Variants in MORN1 observed in about 807,000 individuals in gnomAD.
The protein encoded by MORN1 is MORN repeat containing 1, also known as MORN repeat-containing protein 1.
MORN1 carries 67 observed loss-of-function variants against 61.9 expected under a neutral mutation model. The observed-to-expected ratio is 1.08, with a 90% CI of 0.89 to 1.33. The LOEUF is 1.33. Ranked by LOEUF, MORN1 falls within the 40% of genes most tolerant of loss-of-function variation. The pLI is 0.00. For synonymous variants in MORN1, 301 were observed against 292.0 expected (o/e 1.03, Z -0.31); for missense variants, 752 against 691.2 (o/e 1.09, Z -0.99).
At chr1:2,367,306 C>CAAAAAAAAAAAAAA (rs56188781) in intron 8 of MORN1, among the ~76,000 whole-genome samples, 1 of 132,812 alleles carries the variant, frequency 7.5e-6, no homozygotes. Flanking sequence ...ATTGCTCTAT[C>CAAAAAAAAAAAAAA]AAAAAAAAAA....
chr1:2,376,286 T>A (rs1557888769), intron 6 of MORN1: 1 of 152,308 alleles, frequency 6.6e-6, no homozygotes, highest in Non-Finnish European at 1.5e-5. Flanking sequence ...GTCCTCACTG[T>A]CTCTCATCTC....
At chr1:2,331,750 C>T (rs1022178425) in intron 12 of MORN1, among the ~76,000 whole-genome samples, 12 of 152,310 alleles carry the variant, frequency 7.9e-5, no homozygotes, top group East Asian at 1.9e-4. Context: ...CAAAGGCGCG[C>T]GTTTCTCCCG....
Position 2,336,599 on chromosome 1 carries a change from C to A in MORN1, c.1171-51G>T, listed in dbSNP as rs372517979. On this transcript the variant is annotated intron_variant, in intron 11 of 13. Transcript: ENST00000378531. Reference sequence around the variant, plus strand: ...GAGAAGGAAAGGCTCAGAAGGTGGGCCTAGGAGCTCTGCTCCAACCCCCCT... The same window carrying A: ...GAGAAGGAAAGGCTCAGAAGGTGGGACTAGGAGCTCTGCTCCAACCCCCCT... The A allele has an allele frequency of 5.6e-6, 9 of 1,604,122 alleles. No homozygotes were observed. The Admixed American group carries it at 1.2e-4, about 21-fold the overall frequency.
intron 10 of MORN1, among the ~76,000 whole-genome samples, chr1:2,338,318 C>T (rs1222256878): frequency 6.6e-6 from 1 of 152,228 alleles, no homozygotes; most frequent in Non-Finnish European, 1.5e-5. Context: ...CTTTAACTGA[C>T]ATCCTTCTCC....
At position 2,357,687 on chromosome 1, in the gene MORN1, G is replaced by C; in HGVS notation, c.870-89C>G. Reference sequence around the variant, plus strand: ...AGCGTGGCCCACGCCCTGGACCCTGGGACTTGCCTACACTGAGTCCAGGGA... The same window carrying C: ...AGCGTGGCCCACGCCCTGGACCCTGCGACTTGCCTACACTGAGTCCAGGGA... On this transcript the variant is annotated intron_variant, in intron 9 of 13. Coordinates refer to ENST00000378531, the MANE Select transcript of MORN1 (RefSeq NM_024848.3). The surrounding 1 kb of genome is among the most constrained non-coding windows in gnomAD (Gnocchi z 6.3). 6.9e-7 allele frequency: 1 copy of C among 1,449,456 alleles called. No homozygotes were observed. Among genetic ancestry groups the C allele is most frequent in the Non-Finnish European group, 9.2e-7 (1 of 1,088,098 alleles). The allele number at this position is 1,449,456 out of a possible 1,614,324, so 89.8% of individuals were successfully genotyped here.
At chr1:2,322,520 G>A (rs1020577822) in intron 13 of MORN1, 39 of 985,218 alleles carry the variant, frequency 4.0e-5, no homozygotes, top group Non-Finnish European at 4.5e-5. Context: ...CTCGGGGGCC[G>A]GGAGGAATGT....
At chr1:2,379,366 G>A (rs548717172) in intron 6 of MORN1, 1 of 356,082 alleles carries the variant, frequency 2.8e-6, no homozygotes, top group Non-Finnish European at 5.6e-6. Flanking sequence ...GCCGGCGCTG[G>A]TTGGGGTGTG....
At chr1:2,346,868 C>G (rs1022310973) in intron 10 of MORN1, among the ~76,000 whole-genome samples, 9 of 152,180 alleles carry the variant, frequency 5.9e-5, no homozygotes, top group Admixed American at 1.3e-4. Flanking sequence ...AGGAGCTGTC[C>G]TCCTAGTCTG....
At position 2,334,260 on chromosome 1, in the gene MORN1, G is replaced by C. The variant is rs1045739226; in HGVS notation, c.1250+2209C>G. ...TGGGGGGGCAGCAGGTGTAAGAACGGTAAGGGATCACGTGGCTACAAGGAA... is the reference window on the plus strand; with the variant it reads ...TGGGGGGGCAGCAGGTGTAAGAACGCTAAGGGATCACGTGGCTACAAGGAA... On this transcript the variant is annotated intron_variant, in intron 12 of 13. Transcript: ENST00000378531. The surrounding 1 kb of genome is among the most constrained non-coding windows in gnomAD (Gnocchi z 5.4). Among the ~76,000 whole-genome samples the C allele has an allele frequency of 2.6e-5, 4 of 152,076 alleles. No individual in the cohort carries two copies. The highest frequency in any genetic ancestry group is 9.7e-5 in the African/African-American group (4 of 41,394).
chr1:2,350,492 G>A (rs1641620654), intron 10 of MORN1: 1 of 152,280 alleles, frequency 6.6e-6, no homozygotes, highest in East Asian at 1.9e-4. Context: ...TCTCGGGTCT[G>A]GGAGGAAAGA....
At chr1:2,327,323 A>G (rs759610266) in intron 12 of MORN1, among the ~76,000 whole-genome samples, 3 of 150,814 alleles carry the variant, frequency 2.0e-5, no homozygotes, top group Non-Finnish European at 4.4e-5. Context: ...GAGACACAGA[A>G]ACACACAGAA....
chr1:2,322,370 G>C, intron 13 of MORN1: 2 of 985,430 alleles, frequency 2.0e-6, no homozygotes, highest in Non-Finnish European at 2.4e-6. Context: ...ATGGGGGCAG[G>C]AGTCGGCTCA....
chr1:2,335,823 C>T (rs1426270746), intron 12 of MORN1, among the ~76,000 whole-genome samples: 1 of 150,740 alleles, frequency 6.6e-6, no homozygotes, highest in Non-Finnish European at 1.5e-5. Context: ...GCCTCCTCGC[C>T]TCCATAGCCC....
In MORN1 at chr1:2,321,553, C is replaced by T. The variant is rs756065523; in HGVS notation, c.1324G>A (p.Val442Met). The T allele has an allele frequency of 2.8e-5, 42 of 1,519,028 alleles. No individual in the cohort carries two copies. Among genetic ancestry groups the T allele is most frequent in the East Asian group, 5.0e-5 (2 of 40,126 alleles). The allele number at this position is 1,519,028 out of a possible 1,614,324, so 94.1% of individuals were successfully genotyped here. Residue 442 changes from valine (V) to methionine (M), a missense_variant, in exon 14 of 14, where the codon GTG becomes ATG. Val to Met is a conservative substitution (Grantham distance 21). Transcript: ENST00000378531. ...LGEYVLMIRD[V>M]TTPPFLGRRL... Reference sequence around the variant, plus strand: ...CGCCCCAGGAACGGCGGGGTGGTCACGTCGCGGATCATGAGCACGTACTCC... The same window carrying T: ...CGCCCCAGGAACGGCGGGGTGGTCATGTCGCGGATCATGAGCACGTACTCC...
rs1641575090 is a variant in MORN1, at chr1:2,348,712, C to T, written c.1036+8720G>A. On this transcript the variant is annotated intron_variant, in intron 10 of 13. Transcript: ENST00000378531. Reference sequence around the variant, plus strand: ...GCACACACACGCACGCACACGCACACCTGCGCGGGCACGCACACGCACACC... The same window carrying T: ...GCACACACACGCACGCACACGCACATCTGCGCGGGCACGCACACGCACACC... Among the ~76,000 whole-genome samples the T allele has an allele frequency of 2.3e-4, 33 of 144,936 alleles. No homozygotes were observed. In the South Asian group the frequency reaches 7.3e-3, roughly 32 times the overall value.
chr1:2,376,916 A>C (rs1487529877), intron 6 of MORN1: 1 of 151,994 alleles, frequency 6.6e-6, no homozygotes, highest in Non-Finnish European at 1.5e-5. Flanking sequence ...GAGCTTATTA[A>C]ATAGGGTGCA....
intron 10 of MORN1, chr1:2,355,254 A>C: frequency 1.4e-6 from 2 of 1,420,810 alleles, no homozygotes; most frequent in Non-Finnish European, 1.8e-6. Context: ...ACTGAGGTGA[A>C]GGCAGACAAG....
At chr1:2,340,029 T>C (rs768200337) in intron 10 of MORN1, among the ~76,000 whole-genome samples, 3 of 152,234 alleles carry the variant, frequency 2.0e-5, no homozygotes, top group Non-Finnish European at 4.4e-5. Flanking sequence ...AGGCTGCGCC[T>C]GGGCTCTGCC....
chr1:2,327,839 G>C (rs568950902), intron 12 of MORN1, among the ~76,000 whole-genome samples: 3 of 152,274 alleles, frequency 2.0e-5, no homozygotes, highest in Non-Finnish European at 4.4e-5. Flanking sequence ...CCGCCCTGAC[G>C]GGTGAGGGCC....
Sources: gnomAD v4.1 joint callset for allele counts (sites outside exome capture counted in the v4.1 genomes callset) on GRCh38, gnomAD v4.1.1 for gene constraint, Gnocchi (gnomAD v3.1) non-coding constraint, MANE v1.5 for transcripts, NCBI Gene and HGNC (gene_info 2026-07-23, HGNC 2026-07-21) for gene names.